The following LRMDA variants were observed in gnomAD, a reference collection of about 807,000 sequenced individuals.
LRMDA encodes leucine rich melanocyte differentiation associated.
In LRMDA, 18 loss-of-function variants were observed where a neutral mutation model predicts 29.8. The observed-to-expected ratio is 0.60, with a 90% CI of 0.42 to 0.90. LRMDA has a LOEUF of 0.90. LRMDA is among the 40% of genes least tolerant of loss of function. The pLI is 0.00. For synonymous variants in LRMDA, 125 were observed against 109.4 expected, an observed-to-expected ratio of 1.14 and a Z score of -0.89; for missense variants, 273 against 273.9, an observed-to-expected ratio of 1.00 and a Z score of 0.02.
intron 2 of LRMDA, among the ~76,000 whole-genome samples, chr10:75,880,613 A>G (rs1432887481): frequency 6.6e-6 from 1 of 152,174 alleles, no homozygotes; most frequent in African/African-American, 2.4e-5. Flanking sequence ...GGGATTTTGT[A>G]AGTACACACT....
At position 75,662,842 on chromosome 10, in the gene LRMDA, G is replaced by A. The variant is rs574697289; in HGVS notation, c.131+224348G>A. 4.2e-4 allele frequency among the ~76,000 whole-genome samples: 64 copies of A among 152,198 alleles called. 2 individuals carry two copies. The highest frequency in any genetic ancestry group is 3.1e-3 in the Admixed American group (48 of 15,282). ...GCCTGGAGAATATCCTGGCTGCAGT[G>A]ACAGAAAGACATAACTCACTTTTCG... On this transcript the variant is annotated intron_variant, in intron 2 of 6. Transcript: ENST00000611255.
intron 2 of LRMDA, among the ~76,000 whole-genome samples, chr10:75,718,661 T>G (rs1564548655): frequency 6.6e-6 from 1 of 152,250 alleles, no homozygotes; most frequent in African/African-American, 2.4e-5. Flanking sequence ...TCAGACAGAA[T>G]TCAACTTCAG....
intron 5 of LRMDA, among the ~76,000 whole-genome samples, chr10:76,148,351 G>T (rs1255744005): frequency 6.6e-6 from 1 of 152,186 alleles, no homozygotes; most frequent in Non-Finnish European, 1.5e-5. Context: ...TAGCTTCCCG[G>T]CTGCTTTGTT....
chr10:76,150,610 C>T (rs1385829223), intron 5 of LRMDA, among the ~76,000 whole-genome samples: 1 of 152,186 alleles, frequency 6.6e-6, no homozygotes, highest in East Asian at 1.9e-4. Flanking sequence ...GTGTGTGTGG[C>T]TTTCTGCAGC....
At chr10:75,933,921 A>G (rs1003867351) in intron 2 of LRMDA, among the ~76,000 whole-genome samples, 3 of 152,198 alleles carry the variant, frequency 2.0e-5, no homozygotes, top group Non-Finnish European at 2.9e-5. Flanking sequence ...AGCCATGTCC[A>G]GCTGTAAAGG....
At chr10:75,983,816 G>A (rs1847215472) in intron 2 of LRMDA, among the ~76,000 whole-genome samples, 1 of 152,054 alleles carries the variant, frequency 6.6e-6, no homozygotes, top group Non-Finnish European at 1.5e-5. Context: ...CACCATGCCT[G>A]GTTAATTTTT....
chr10:76,228,901 G>C (rs1852009885), intron 5 of LRMDA, among the ~76,000 whole-genome samples: 1 of 152,180 alleles, frequency 6.6e-6, no homozygotes, highest in Non-Finnish European at 1.5e-5. Flanking sequence ...TTAAACTATA[G>C]CTTAAATGTT....
At chr10:76,336,527 ACT>A (rs543955482) in intron 6 of LRMDA, among the ~76,000 whole-genome samples, 182 of 152,260 alleles carry the variant, frequency 1.2e-3, no homozygotes, top group Admixed American at 2.8e-3. Context: ...GCTAATGCAA[ACT>A]CTGTGTGCTG....
At chr10:75,943,814 T>C (rs1266591682) in intron 2 of LRMDA, among the ~76,000 whole-genome samples, 1 of 152,208 alleles carries the variant, frequency 6.6e-6, no homozygotes, top group African/African-American at 2.4e-5. Flanking sequence ...ATTCAACACT[T>C]ATTCAACAAT....
intron 6 of LRMDA, among the ~76,000 whole-genome samples, chr10:76,510,220 G>A (rs1433715641): frequency 6.6e-6 from 1 of 151,998 alleles, no homozygotes; most frequent in East Asian, 1.9e-4. Context: ...ACAAGCGTGT[G>A]CCACCACGCT....
At chr10:76,062,221 T>C (rs750857155) in intron 5 of LRMDA, among the ~76,000 whole-genome samples, 4 of 152,150 alleles carry the variant, frequency 2.6e-5, no homozygotes, top group Non-Finnish European at 4.4e-5. Flanking sequence ...CCAAGGCCTG[T>C]TGTGCTTATT....
intron 6 of LRMDA, among the ~76,000 whole-genome samples, chr10:76,326,871 T>C (rs1840839728): frequency 6.6e-6 from 1 of 152,142 alleles, no homozygotes; most frequent in Non-Finnish European, 1.5e-5. Context: ...AATCCATATA[T>C]CACAGGGATA....
intron 2 of LRMDA, among the ~76,000 whole-genome samples, chr10:75,514,701 G>A (rs1845269770): frequency 6.6e-6 from 1 of 152,146 alleles, no homozygotes; most frequent in Non-Finnish European, 1.5e-5. Context: ...CTTGCCATGT[G>A]TCAGGCCCTC....
At chr10:76,315,626 G>C (rs570277777) in intron 5 of LRMDA, among the ~76,000 whole-genome samples, 3 of 151,830 alleles carry the variant, frequency 2.0e-5, no homozygotes, top group Non-Finnish European at 2.9e-5. Flanking sequence ...AGCCCAGGGG[G>C]TGCTGAGGGC....
At chr10:76,365,624 C>T (rs949919272) in intron 6 of LRMDA, among the ~76,000 whole-genome samples, 3 of 152,058 alleles carry the variant, frequency 2.0e-5, no homozygotes, top group Admixed American at 6.6e-5. Context: ...TGTTTGAGTT[C>T]GTTGTAGATT....
intron 5 of LRMDA, among the ~76,000 whole-genome samples, chr10:76,221,583 G>A (rs1052925191): frequency 9.9e-5 from 15 of 152,166 alleles, no homozygotes; most frequent in South Asian, 2.1e-4. Flanking sequence ...ACCTCTTCAA[G>A]GAGAACTACA....
At chr10:76,142,802 T>G (rs1211393677) in intron 5 of LRMDA, among the ~76,000 whole-genome samples, 2 of 151,546 alleles carry the variant, frequency 1.3e-5, no homozygotes, top group Non-Finnish European at 2.9e-5. Context: ...TAACTCGTCA[T>G]TTAGCATTAG....
intron 5 of LRMDA, among the ~76,000 whole-genome samples, chr10:76,170,991 A>G (rs1045062616): frequency 1.3e-5 from 2 of 152,244 alleles, no homozygotes; most frequent in African/African-American, 4.8e-5. Context: ...TTATGAGTAT[A>G]TGTACTAAAC....
intron 5 of LRMDA, among the ~76,000 whole-genome samples, chr10:76,182,451 C>A (rs1851066653): frequency 6.6e-6 from 1 of 152,172 alleles, no homozygotes; most frequent in African/African-American, 2.4e-5. Context: ...GTATGTCAGG[C>A]ACTTTGCAAT....
Sources: allele counts gnomAD v4.1 joint callset (sites outside exome capture counted in the v4.1 genomes callset), GRCh38; gene constraint gnomAD v4.1.1; transcripts MANE v1.5; gene names NCBI Gene and HGNC (gene_info 2026-07-23, HGNC 2026-07-21).